Variants in LUZP2 observed in about 807,000 individuals in gnomAD.
The protein encoded by LUZP2 is leucine zipper protein 2.
LUZP2 carries 52 observed loss-of-function variants against 51.6 expected under a neutral mutation model. The ratio of observed to expected loss-of-function variants is 1.01; its 90% CI spans 0.81 to 1.27. LUZP2 has a LOEUF of 1.27. Ranked by LOEUF, LUZP2 falls within the 50% of genes most tolerant of loss-of-function variation. LUZP2 has a pLI of 0.00. For synonymous variants in LUZP2, 154 were observed against 137.3 expected (o/e 1.12, Z -0.85); for missense variants, 436 against 395.4 (o/e 1.10, Z -0.87).
At chr11:24,556,071 TA>T (rs1851861377) in intron 1 of LUZP2, among the ~76,000 whole-genome samples, 1 of 152,322 alleles carries the variant, frequency 6.6e-6, no homozygotes, top group African/African-American at 2.4e-5. Flanking sequence ...TAATGTTTTT[TA>T]GTCTCTATAT....
rs779569099 is a variant in LUZP2 at position 25,080,050 on chromosome 11, T to C, written c.*1392T>C. The stretch of plus-strand genomic sequence containing the variant: ...AATATCGTTAGCTGTAAAAGTAATA[T>C]TATGACATATTTATGTAGCACTTCT... On this transcript the variant is annotated 3_prime_UTR_variant, in exon 12 of 12. Transcript: ENST00000336930. 6.6e-6 allele frequency: 1 copy of C among 152,202 alleles called. No individual in the cohort carries two copies. Among genetic ancestry groups the C allele is most frequent in the Non-Finnish European group, 1.5e-5 (1 of 68,032 alleles). The allele number at this position is 152,202 out of a possible 1,614,324, so 9.4% of individuals were successfully genotyped here.
At chr11:24,847,474 A>G (rs1436697752) in intron 5 of LUZP2, among the ~76,000 whole-genome samples, 1 of 152,170 alleles carries the variant, frequency 6.6e-6, no homozygotes, top group African/African-American at 2.4e-5. Context: ...TTCTCAGGCC[A>G]TGCCTTCTAG....
intron 1 of LUZP2, among the ~76,000 whole-genome samples, chr11:24,584,495 C>T (rs1852989898): frequency 6.6e-6 from 1 of 152,146 alleles, no homozygotes; most frequent in Admixed American, 6.6e-5. Flanking sequence ...TATTGCTTCC[C>T]AAAGTGGTTA....
chr11:24,844,975 A>G (rs1446935413), intron 5 of LUZP2, among the ~76,000 whole-genome samples: 1 of 101,452 alleles, frequency 9.9e-6, no homozygotes, highest in Non-Finnish European at 2.0e-5. Flanking sequence ...GGCAGTGAGG[A>G]AGGGGAATGT....
chr11:24,497,175 A>G lies in LUZP2; in HGVS notation c.-69A>G. On this transcript the variant is annotated 5_prime_UTR_variant, in exon 1 of 12. Coordinates refer to ENST00000336930, the MANE Select transcript of LUZP2 (RefSeq NM_001009909.4). ...TGGCTGGGGACAGAGCCGGGCACCA[A>G]GGAGCGACAGGATCCCGAAGAGAGA... is the stretch of plus-strand genomic sequence containing the variant. 2 of 1,417,716 alleles carry G rather than the reference A, an allele frequency of 1.4e-6. No individual in the cohort carries two copies. Among genetic ancestry groups the G allele is most frequent in the Non-Finnish European group, 1.9e-6 (2 of 1,051,138 alleles). 87.8% of individuals were successfully genotyped at this position (1,417,716 alleles called of 1,614,324 possible). A position where few individuals can be genotyped will look rare whatever the true frequency, so the allele number is the denominator to read the frequency against.
intron 9 of LUZP2, among the ~76,000 whole-genome samples, chr11:25,022,864 G>A (rs1387037621): frequency 6.6e-6 from 1 of 152,130 alleles, no homozygotes; most frequent in African/African-American, 2.4e-5. Flanking sequence ...ATGAAAGGCT[G>A]TTGAATTTTG....
At chr11:24,664,603 C>T (rs1463071544) in intron 1 of LUZP2, among the ~76,000 whole-genome samples, 1 of 152,152 alleles carries the variant, frequency 6.6e-6, no homozygotes. Flanking sequence ...GTCCCAGGAA[C>T]CCCTGCTCTG....
chr11:24,654,923 C>A (rs1855755932), intron 1 of LUZP2, among the ~76,000 whole-genome samples: 1 of 151,936 alleles, frequency 6.6e-6, no homozygotes, highest in African/African-American at 2.4e-5. Flanking sequence ...GGCATTTACC[C>A]TATTTTTTTC....
intron 1 of LUZP2, among the ~76,000 whole-genome samples, chr11:24,541,786 T>G (rs555299387): frequency 6.6e-6 from 1 of 152,154 alleles, no homozygotes; most frequent in East Asian, 1.9e-4. Flanking sequence ...ACAAGAATAA[T>G]GATAAGAACC....
At chr11:25,039,072 G>T (rs1474736314) in intron 9 of LUZP2, among the ~76,000 whole-genome samples, 1 of 152,160 alleles carries the variant, frequency 6.6e-6, no homozygotes, top group Admixed American at 6.6e-5. Context: ...CCCTCACCAG[G>T]TCCGCTCCTT....
At chr11:24,773,222 C>CA (rs147783847) in intron 5 of LUZP2, among the ~76,000 whole-genome samples, 12,209 of 151,804 alleles carry the variant, frequency 0.08, 1,058 homozygotes, top group African/African-American at 0.22. Flanking sequence ...TACTTAATTC[C>CA]AATATTGTCC....
chr11:24,957,384 T>C (rs1338454903), intron 7 of LUZP2, among the ~76,000 whole-genome samples: 3 of 152,132 alleles, frequency 2.0e-5, no homozygotes, highest in African/African-American at 7.2e-5. Flanking sequence ...TTGAAATTAC[T>C]CTTAGCAAAT....
At chr11:24,981,618 C>T (rs184260063) in intron 8 of LUZP2, among the ~76,000 whole-genome samples, 3 of 151,756 alleles carry the variant, frequency 2.0e-5, no homozygotes, top group Non-Finnish European at 4.4e-5. Context: ...TTCAAACGCC[C>T]CTGACGCTGT....
chr11:24,842,174 CAG>C (rs1385877581), intron 5 of LUZP2, among the ~76,000 whole-genome samples: 5 of 149,452 alleles, frequency 3.3e-5, no homozygotes, highest in African/African-American at 7.3e-5. Flanking sequence ...ATTATTAACA[CAG>C]AGGGGCATTA....
intron 1 of LUZP2, among the ~76,000 whole-genome samples, chr11:24,565,231 A>G (rs762292343): frequency 8.5e-5 from 13 of 152,182 alleles, no homozygotes; most frequent in Non-Finnish European, 1.9e-4. Context: ...AGAAGGCTTG[A>G]TGTATATACT....
intron 1 of LUZP2, among the ~76,000 whole-genome samples, chr11:24,626,980 G>A (rs1472607813): frequency 6.6e-6 from 1 of 151,460 alleles, no homozygotes; most frequent in Non-Finnish European, 1.5e-5. Context: ...AACTCTAATC[G>A]ACAGGGCAAG....
intron 1 of LUZP2, among the ~76,000 whole-genome samples, chr11:24,700,749 A>G (rs1304085079): frequency 6.6e-6 from 1 of 152,124 alleles, no homozygotes; most frequent in Non-Finnish European, 1.5e-5. Flanking sequence ...TGGGGAAATG[A>G]CTGTGCAATC....
At chr11:24,680,078 G>T (rs970625852) in intron 1 of LUZP2, among the ~76,000 whole-genome samples, 1 of 152,056 alleles carries the variant, frequency 6.6e-6, no homozygotes, top group African/African-American at 2.4e-5. Flanking sequence ...CCGCTTTACT[G>T]GTAGTGGAGG....
At chr11:24,888,230 TG>T (rs1852733848) in intron 5 of LUZP2, among the ~76,000 whole-genome samples, 1 of 152,182 alleles carries the variant, frequency 6.6e-6, no homozygotes, top group South Asian at 2.1e-4. Context: ...TCCCCCTACT[TG>T]GTTCTTGCCT....
Sources: allele counts gnomAD v4.1 joint callset (sites outside exome capture counted in the v4.1 genomes callset), GRCh38; gene constraint gnomAD v4.1.1; transcripts MANE v1.5; gene names NCBI Gene and HGNC (gene_info 2026-07-23, HGNC 2026-07-21).